The following ZNF277 variants were observed in gnomAD, a reference collection of about 807,000 sequenced individuals.
ZNF277 encodes the protein zinc finger protein 277.
In ZNF277, 55 loss-of-function variants were observed where a neutral mutation model predicts 60.7. The ratio of observed to expected loss-of-function variants is 0.91; its 90% CI spans 0.73 to 1.13. The LOEUF is 1.13. ZNF277 is among the 50% of genes most tolerant of loss of function. The probability of loss-of-function intolerance (pLI) is 0.00; values close to 1 mark genes in which losing one functional copy is unlikely to be tolerated. For missense variants in ZNF277, 510 were observed against 523.0 expected (o/e 0.98, Z 0.24); for synonymous variants, 178 against 179.3 (o/e 0.99, Z 0.06).
At chr7:112,342,408 C>G (rs1021329765) in intron 11 of ZNF277, among the ~76,000 whole-genome samples, 153 bp from the exon 12 acceptor site, 2 of 152,156 alleles carry the variant, frequency 1.3e-5, no homozygotes, top group Non-Finnish European at 2.9e-5. Context: ...AAAGTGAAAG[C>G]AATCAGAAGT....
chr7:112,311,071 A>G (rs1792721041), intron 4 of ZNF277, among the ~76,000 whole-genome samples: 1 of 152,144 alleles, frequency 6.6e-6, no homozygotes, highest in South Asian at 2.1e-4. Context: ...TCTTACCTAA[A>G]TAAACATTTT....
At chr7:112,321,046 C>T (rs1197877080) in intron 5 of ZNF277, among the ~76,000 whole-genome samples, 9 of 151,020 alleles carry the variant, frequency 6.0e-5, no homozygotes, top group Non-Finnish European at 1.0e-4. Flanking sequence ...CTCAGCCTCC[C>T]GAGTAGCTGG....
At chr7:112,276,507 C>G (rs903767479) in intron 1 of ZNF277, among the ~76,000 whole-genome samples, 1 of 152,106 alleles carries the variant, frequency 6.6e-6, no homozygotes, top group African/African-American at 2.4e-5. Context: ...GACTTGTTTT[C>G]CCTGAGTCTA....
At chr7:112,296,917 T>TA in intron 4 of ZNF277, among the ~76,000 whole-genome samples, 1 of 59,462 alleles carries the variant, frequency 1.7e-5, no homozygotes, top group South Asian at 6.8e-4. Flanking sequence ...TATTTATTTT[T>TA]TTTTTTTTTT....
intron 1 of ZNF277, among the ~76,000 whole-genome samples, chr7:112,220,523 G>C (rs539354504): frequency 6.6e-6 from 1 of 152,298 alleles, no homozygotes; most frequent in South Asian, 2.1e-4. Context: ...TTGTCTAACT[G>C]TTCTGGCCAG....
chr7:112,302,949 CTTTTT>C (rs34593342), intron 4 of ZNF277, among the ~76,000 whole-genome samples: 1 of 132,894 alleles, frequency 7.5e-6, no homozygotes, highest in African/African-American at 2.9e-5. Context: ...GCAAATAGGC[CTTTTT>C]TTTTTTTTTT....
intron 11 of ZNF277, among the ~76,000 whole-genome samples, chr7:112,341,938 T>G (rs1453299581): frequency 6.6e-6 from 1 of 152,226 alleles, no homozygotes; most frequent in Non-Finnish European, 1.5e-5. Flanking sequence ...ATTCCAAAAG[T>G]AACTTCAAAA....
chr7:112,274,657 C>T (rs966082262), intron 1 of ZNF277, among the ~76,000 whole-genome samples: 1 of 152,094 alleles, frequency 6.6e-6, no homozygotes, highest in Non-Finnish European at 1.5e-5. Flanking sequence ...CTATGTAAAA[C>T]ATTAATTATA....
At chr7:112,319,787 C>T (rs1172748640) in intron 5 of ZNF277, among the ~76,000 whole-genome samples, 1 of 151,320 alleles carries the variant, frequency 6.6e-6, no homozygotes, top group East Asian at 1.9e-4. Flanking sequence ...GATCAGTTAG[C>T]ATAGAGAAAA....
chr7:112,340,999 T>C lies in ZNF277; in HGVS notation c.1137T>C (p.Thr379=). The change falls in exon 11 of 12, where the codon ACT becomes ACC. Residue 379 remains threonine, a synonymous_variant. Transcript: ENST00000361822. ...KADLRTHMEE[T]KHTSLLPDRK... is the part of the protein sequence containing the mutation. ...ACTTAAGAACTCACATGGAAGAAACTAAACACACTTCGCTGCTCCCCGATA... is the reference window on the plus strand; with the variant it reads ...ACTTAAGAACTCACATGGAAGAAACCAAACACACTTCGCTGCTCCCCGATA... The C allele has an allele frequency of 3.1e-6, 5 of 1,606,126 alleles. No homozygotes were observed. The South Asian group carries it at 5.7e-5, about 18-fold the overall frequency.
chr7:112,281,588 G>C lies in ZNF277; in HGVS notation c.92-5285G>C, dbSNP rs188171628. Among the ~76,000 whole-genome samples the C allele has an allele frequency of 1.2e-3, 175 of 152,142 alleles. 1 individual carries two copies. Among genetic ancestry groups the C allele is most frequent in the East Asian group, 3.9e-4 (2 of 5,178 alleles). On this transcript the variant is annotated intron_variant, in intron 1 of 11. Transcript: ENST00000361822. ...TATTATTTACTAGTGGGCCTGTTAC[G>C]CCAAGGCCCATAGCACTAAACATCT... is the stretch of plus-strand genomic sequence containing the variant.
chr7:112,224,546 A>AG (rs748104208), intron 1 of ZNF277, among the ~76,000 whole-genome samples: 36 of 152,302 alleles, frequency 2.4e-4, no homozygotes, highest in African/African-American at 8.2e-4. Context: ...ATCAGGGATA[A>AG]GGGGGGATTC....
chr7:112,250,454 C>G (rs1791178613), intron 1 of ZNF277, among the ~76,000 whole-genome samples: 1 of 152,160 alleles, frequency 6.6e-6, no homozygotes, highest in African/African-American at 2.4e-5. Context: ...GTGACCCACA[C>G]CTATTCGCAC....
At chr7:112,214,340 A>G (rs1167915744) in intron 1 of ZNF277, among the ~76,000 whole-genome samples, 1 of 152,202 alleles carries the variant, frequency 6.6e-6, no homozygotes, top group Non-Finnish European at 1.5e-5. Context: ...AGCTCTTCTT[A>G]GAGAACTTTG....
intron 4 of ZNF277, among the ~76,000 whole-genome samples, chr7:112,308,932 G>T (rs1299974056): frequency 1.3e-5 from 2 of 152,052 alleles, no homozygotes; most frequent in Non-Finnish European, 2.9e-5. Context: ...AGACAAGGGG[G>T]ATATGATCTG....
At chr7:112,310,236 T>C (rs1436056837) in intron 4 of ZNF277, among the ~76,000 whole-genome samples, 1 of 151,858 alleles carries the variant, frequency 6.6e-6, no homozygotes, top group African/African-American at 2.4e-5. Flanking sequence ...CCATCCTGAG[T>C]CATGTCATTT....
intron 1 of ZNF277, among the ~76,000 whole-genome samples, chr7:112,258,862 G>C (rs996546350): frequency 6.7e-6 from 1 of 150,296 alleles, no homozygotes; most frequent in African/African-American, 2.5e-5. Context: ...ATTTACCCTC[G>C]TGCTACCATT....
At chr7:112,251,169 T>G (rs1563204376) in intron 1 of ZNF277, among the ~76,000 whole-genome samples, 1 of 152,184 alleles carries the variant, frequency 6.6e-6, no homozygotes, top group Non-Finnish European at 1.5e-5. Flanking sequence ...CCTCTACTTG[T>G]CAGACCCAGA....
intron 7 of ZNF277, among the ~76,000 whole-genome samples, chr7:112,331,435 A>G (rs1793227859): frequency 6.6e-6 from 1 of 152,180 alleles, no homozygotes; most frequent in South Asian, 2.1e-4. Flanking sequence ...CTCAATGTAA[A>G]TGAATTAAAA....
Sources: gnomAD v4.1 joint callset for allele counts (sites outside exome capture counted in the v4.1 genomes callset) on GRCh38, gnomAD v4.1.1 for gene constraint, MANE v1.5 for transcripts, NCBI Gene and HGNC (gene_info 2026-07-23, HGNC 2026-07-21) for gene names.